Variants in INPP4B observed in about 807,000 individuals in gnomAD.
INPP4B encodes inositol polyphosphate-4-phosphatase type II B.
A neutral mutation model predicts 122.5 loss-of-function variants in INPP4B; 55 were observed. The ratio of observed to expected loss-of-function variants is 0.45; its 90% confidence interval spans 0.36 to 0.56. INPP4B has a LOEUF of 0.56. Ranked by LOEUF, INPP4B falls within the 20% of genes least tolerant of loss-of-function variation. The pLI is 0.00. For missense variants in INPP4B, 1,000 were observed against 1,097.7 expected (o/e 0.91, Z 1.26); for synonymous variants, 403 against 388.7 (o/e 1.04, Z -0.43).
chr4:142,401,060 G>A (rs1406983723), intron 7 of INPP4B, among the ~76,000 whole-genome samples: 2 of 152,094 alleles, frequency 1.3e-5, no homozygotes, highest in Admixed American at 6.5e-5. Context: ...CGGACTGTTG[G>A]AGAATTAAAT....
At chr4:142,306,804 G>A (rs1324220032) in intron 8 of INPP4B, among the ~76,000 whole-genome samples, 1 of 152,110 alleles carries the variant, frequency 6.6e-6, no homozygotes, top group Non-Finnish European at 1.5e-5. Context: ...GAGGCCAGGA[G>A]TTCAAGGCTG....
At chr4:142,453,165 T>A (rs1350641674) in intron 3 of INPP4B, among the ~76,000 whole-genome samples, 1 of 152,176 alleles carries the variant, frequency 6.6e-6, no homozygotes, top group Non-Finnish European at 1.5e-5. Flanking sequence ...GATTCTTTTT[T>A]CGCATGCACC....
chr4:142,337,424 C>A (rs1281655957), intron 7 of INPP4B, among the ~76,000 whole-genome samples: 3 of 151,694 alleles, frequency 2.0e-5, no homozygotes, highest in Non-Finnish European at 2.9e-5. Flanking sequence ...TACCCTTGAA[C>A]CATAAGAAAG....
chr4:142,714,254 A>C (rs1034475945), intron 2 of INPP4B, among the ~76,000 whole-genome samples: 5 of 152,226 alleles, frequency 3.3e-5, no homozygotes, highest in Non-Finnish European at 5.9e-5. Flanking sequence ...AGGGTACTTC[A>C]GGCAATTTGA....
intron 7 of INPP4B, among the ~76,000 whole-genome samples, chr4:142,362,669 AATC>A (rs1409774483): frequency 6.6e-6 from 1 of 152,018 alleles, no homozygotes; most frequent in Non-Finnish European, 1.5e-5. Context: ...AAAAAAATGA[AATC>A]ATGTCCTCTG....
intron 15 of INPP4B, among the ~76,000 whole-genome samples, chr4:142,183,975 C>T (rs1191863077): frequency 6.6e-6 from 1 of 151,792 alleles, no homozygotes; most frequent in African/African-American, 2.4e-5. Flanking sequence ...ACAAGAAAAT[C>T]CAAGAGTGGT....
intron 2 of INPP4B, among the ~76,000 whole-genome samples, chr4:142,650,517 G>A (rs1391677070): frequency 6.6e-6 from 1 of 151,398 alleles, no homozygotes; most frequent in Non-Finnish European, 1.5e-5. Context: ...AAGGGATAAA[G>A]GAAGATCTAC....
chr4:142,646,698 A>G (rs1386145018), intron 2 of INPP4B, among the ~76,000 whole-genome samples: 1 of 152,234 alleles, frequency 6.6e-6, no homozygotes, highest in African/African-American at 2.4e-5. Flanking sequence ...AGGAATTGCA[A>G]CAAAGAAAAG....
At chr4:142,227,484 T>C (rs1852054498) in intron 12 of INPP4B, among the ~76,000 whole-genome samples, 1 of 152,290 alleles carries the variant, frequency 6.6e-6, no homozygotes, top group African/African-American at 2.4e-5. Flanking sequence ...ATATAATTGA[T>C]AATTTTAAGT....
chr4:142,188,442 G>T (rs1037151701), intron 15 of INPP4B, among the ~76,000 whole-genome samples: 1 of 124,742 alleles, frequency 8.0e-6, no homozygotes, highest in African/African-American at 3.0e-5. Context: ...AGCGAAGATC[G>T]CACCACTGCA....
chr4:142,479,791 T>C (rs1820280514), intron 2 of INPP4B, among the ~76,000 whole-genome samples: 1 of 151,964 alleles, frequency 6.6e-6, no homozygotes. Context: ...AGGGAATAGA[T>C]ACTGGGGCCT....
intron 1 of INPP4B, among the ~76,000 whole-genome samples, chr4:142,768,147 A>G (rs546187764): frequency 6.6e-6 from 1 of 152,286 alleles, no homozygotes; most frequent in African/African-American, 2.4e-5. Context: ...GTTAGAACGA[A>G]CCTGGCATAT....
chr4:142,538,866 C>T (rs982185346), intron 2 of INPP4B, among the ~76,000 whole-genome samples: 3 of 151,168 alleles, frequency 2.0e-5, no homozygotes, highest in African/African-American at 7.3e-5. Context: ...ATTTTCTTGC[C>T]AATGCGGTAA....
chr4:142,515,746 C>T (rs1393894244), intron 2 of INPP4B, among the ~76,000 whole-genome samples: 1 of 152,156 alleles, frequency 6.6e-6, no homozygotes, highest in Non-Finnish European at 1.5e-5. Flanking sequence ...ATGGCTAAAA[C>T]CAAAGTCTGA....
At chr4:142,416,872 A>T (rs1805883217) in intron 5 of INPP4B, among the ~76,000 whole-genome samples, 1 of 152,224 alleles carries the variant, frequency 6.6e-6, no homozygotes, top group Admixed American at 6.5e-5. Flanking sequence ...CTTCATACAG[A>T]TAAGCTAAAG....
intron 2 of INPP4B, among the ~76,000 whole-genome samples, chr4:142,528,519 A>G (rs924574452): frequency 3.9e-5 from 6 of 152,114 alleles, no homozygotes; most frequent in Admixed American, 2.6e-4. Context: ...AGCTAGAGGG[A>G]GAAGTCCAGC....
chr4:142,792,595 T>C (rs957796821), intron 1 of INPP4B, among the ~76,000 whole-genome samples: 1 of 152,048 alleles, frequency 6.6e-6, no homozygotes, highest in East Asian at 1.9e-4. Flanking sequence ...GGGACACTAA[T>C]AAGCCCATTA....
At chr4:142,418,994 T>A (rs1049462613) in intron 5 of INPP4B, among the ~76,000 whole-genome samples, 2 of 152,066 alleles carry the variant, frequency 1.3e-5, no homozygotes, top group African/African-American at 4.8e-5. Flanking sequence ...TCAGAATATG[T>A]TTTCAACCTA....
At chr4:142,454,959 TTAACC>T (rs1188452570) in intron 3 of INPP4B, among the ~76,000 whole-genome samples, 1 of 152,024 alleles carries the variant, frequency 6.6e-6, no homozygotes, top group Non-Finnish European at 1.5e-5. Context: ...TTTGGAGAAG[TTAACC>T]TTAATACAAC....
Sources: gnomAD v4.1 joint callset for allele counts (sites outside exome capture counted in the v4.1 genomes callset) on GRCh38, gnomAD v4.1.1 for gene constraint, MANE v1.5 for transcripts, NCBI Gene and HGNC (gene_info 2026-07-23, HGNC 2026-07-21) for gene names.